Variants in BMAL2 observed in about 807,000 individuals in gnomAD.
BMAL2 encodes basic helix-loop-helix ARNT like 2.
chr12:27,357,536 A>G, the BMAL2 span, among the ~76,000 whole-genome samples: 1 of 152,318 alleles, frequency 6.6e-6, no homozygotes, highest in East Asian at 1.9e-4. Flanking sequence ...ATATGGAGCC[A>G]AAAAAGAATC....
the BMAL2 span, among the ~76,000 whole-genome samples, chr12:27,360,513 G>A: frequency 6.6e-6 from 1 of 151,924 alleles, no homozygotes; most frequent in Non-Finnish European, 1.5e-5. Context: ...CACTATCTTT[G>A]CCAGCCTGAA....
chr12:27,343,810 A>G, the BMAL2 span, among the ~76,000 whole-genome samples: 1 of 152,200 alleles, frequency 6.6e-6, no homozygotes, highest in Non-Finnish European at 1.5e-5. Context: ...TGGAATGGTC[A>G]TAGTCAGGGA....
At chr12:27,371,714 A>G in the BMAL2 span, among the ~76,000 whole-genome samples, 1 of 103,962 alleles carries the variant, frequency 9.6e-6, no homozygotes, top group Non-Finnish European at 2.0e-5. Flanking sequence ...TGGTAAATAC[A>G]TACACACACA....
chr12:27,420,115 T>C, the BMAL2 span, among the ~76,000 whole-genome samples: 7 of 152,044 alleles, frequency 4.6e-5, no homozygotes, highest in Admixed American at 4.6e-4. Flanking sequence ...AGCAGTGTAA[T>C]TTCCTATTAG....
chr12:27,370,691 C>T, the BMAL2 span, among the ~76,000 whole-genome samples: 2 of 152,020 alleles, frequency 1.3e-5, no homozygotes, highest in Non-Finnish European at 1.5e-5. Flanking sequence ...CTGCAACCTC[C>T]GCCTCCTGGG....
chr12:27,402,147 G>C, the BMAL2 span, among the ~76,000 whole-genome samples: 2 of 152,186 alleles, frequency 1.3e-5, no homozygotes, highest in African/African-American at 4.8e-5. Flanking sequence ...AGCTGTGTCA[G>C]CCTGAAGGAA....
chr12:27,392,229 C>A, the BMAL2 span, among the ~76,000 whole-genome samples: 199 of 152,176 alleles, frequency 1.3e-3, no homozygotes, highest in African/African-American at 4.6e-3. Context: ...AATAGGACCC[C>A]AATAATAGGG....
the BMAL2 span, among the ~76,000 whole-genome samples, chr12:27,378,662 G>C: frequency 2.0e-5 from 3 of 152,150 alleles, no homozygotes; most frequent in Admixed American, 2.0e-4. Context: ...AGTCCTCTTG[G>C]GCAGTGGAAA....
chr12:27,408,688 C>A, the BMAL2 span, among the ~76,000 whole-genome samples: 1 of 152,144 alleles, frequency 6.6e-6, no homozygotes, highest in Non-Finnish European at 1.5e-5. Flanking sequence ...TGGCACAAGA[C>A]AGGGATGCCG....
chr12:27,349,271 A>C, the BMAL2 span, among the ~76,000 whole-genome samples: 2 of 152,212 alleles, frequency 1.3e-5, no homozygotes, highest in Admixed American at 6.5e-5. Flanking sequence ...CAAAATAACC[A>C]AACCTGTTGT....
chr12:27,425,066 T>A, the BMAL2 span: 1 of 152,214 alleles, frequency 6.6e-6, no homozygotes, highest in Non-Finnish European at 1.5e-5. Context: ...GAACATGCTT[T>A]CTGAACTCAC....
chr12:27,349,814 AG>A, the BMAL2 span, among the ~76,000 whole-genome samples: 1 of 152,052 alleles, frequency 6.6e-6, no homozygotes, highest in Non-Finnish European at 1.5e-5. Flanking sequence ...GACCACAGAG[AG>A]GGTAAATGTT....
the BMAL2 span, among the ~76,000 whole-genome samples, chr12:27,362,904 G>A: frequency 6.6e-6 from 1 of 151,944 alleles, no homozygotes; most frequent in Admixed American, 6.6e-5. Flanking sequence ...CCTGGACTCA[G>A]GCAATCCTCC....
At chr12:27,347,118 G>T in the BMAL2 span, among the ~76,000 whole-genome samples, 5 of 152,066 alleles carry the variant, frequency 3.3e-5, no homozygotes, top group Non-Finnish European at 5.9e-5. Flanking sequence ...CCTTTTTATT[G>T]ATAAATTACC....
At chr12:27,420,019 G>GCGCGCACACA in the BMAL2 span, among the ~76,000 whole-genome samples, 3 of 147,476 alleles carry the variant, frequency 2.0e-5, no homozygotes, top group East Asian at 2.0e-4. Context: ...GTTTGCGCGT[G>GCGCGCACACA]CACACACACA....
chr12:27,332,904 T>G, the BMAL2 span: 14 of 258,272 alleles, frequency 5.4e-5, no homozygotes, highest in East Asian at 2.4e-4. Flanking sequence ...CGGGGCGGCG[T>G]CCCGTGCGCG....
chr12:27,342,807 A>G, the BMAL2 span, among the ~76,000 whole-genome samples: 4 of 152,264 alleles, frequency 2.6e-5, no homozygotes, highest in Non-Finnish European at 5.9e-5. Flanking sequence ...CCTAGAAAAG[A>G]GAGACTAAAT....
the BMAL2 span, among the ~76,000 whole-genome samples, chr12:27,419,397 G>C: frequency 6.6e-6 from 1 of 152,308 alleles, no homozygotes; most frequent in Admixed American, 6.5e-5. Context: ...AGAAGGGCAA[G>C]AGAGGGTAAG....
chr12:27,350,580 A>G, the BMAL2 span, among the ~76,000 whole-genome samples: 1 of 152,258 alleles, frequency 6.6e-6, no homozygotes, highest in East Asian at 1.9e-4. Flanking sequence ...TTAGAAAACA[A>G]GAAGGGCTGT....
Sources: gnomAD v4.1 joint callset for allele counts (sites outside exome capture counted in the v4.1 genomes callset) on GRCh38, gnomAD v4.1.1 for gene constraint, MANE v1.5 for transcripts, NCBI Gene and HGNC (gene_info 2026-07-23, HGNC 2026-07-21) for gene names.